SECISBP2L: variants seen among roughly 807,000 people sequenced by gnomAD.
SECISBP2L encodes the protein selenocysteine insertion sequence-binding protein 2-like.
In SECISBP2L, 43 loss-of-function variants were observed where a neutral mutation model predicts 114.7. The ratio of observed to expected loss-of-function variants is 0.38; its 90% CI spans 0.29 to 0.48. SECISBP2L has a LOEUF of 0.48. Among genes scored for constraint, SECISBP2L ranks in the 20% least tolerant of loss-of-function variants. The pLI, the probability that SECISBP2L is intolerant of heterozygous loss-of-function variation, is 0.98. For synonymous variants in SECISBP2L, 451 were observed against 439.7 expected (o/e 1.03, Z -0.32); for missense variants, 1,136 against 1,301.1 (o/e 0.87, Z 1.95).
At chr15:49,004,904 T>A (rs1902285285) in intron 14 of SECISBP2L, among the ~76,000 whole-genome samples, 1 of 152,196 alleles carries the variant, frequency 6.6e-6, no homozygotes, top group African/African-American at 2.4e-5. Flanking sequence ...GAATGTATAT[T>A]CTGTGATTTG....
intron 7 of SECISBP2L, 65 bp from the exon 8 acceptor site, chr15:49,019,617 A>G (rs2141073872): frequency 2.4e-6 from 3 of 1,271,376 alleles, no homozygotes; most frequent in Non-Finnish European, 3.0e-6. Flanking sequence ...ACTCAAATAT[A>G]TAACATACTG....
intron 9 of SECISBP2L, 104 bp from the exon 10 acceptor site, chr15:49,017,119 A>T (rs1265040722): frequency 1.6e-5 from 18 of 1,106,022 alleles, no homozygotes; most frequent in Non-Finnish European, 2.2e-5. Flanking sequence ...ACCGGACTAG[A>T]CTCTTCAAAG....
In SECISBP2L at chr15:49,006,521, T is replaced by C. The variant is rs144543787; in HGVS notation, c.2027+2695A>G. ...TTGATCTTCAATCACTGATATCCTT[T>C]CTTCCGCTTGATCGATTCAGCTGTT... On this transcript the variant is annotated intron_variant, in intron 14 of 17. Transcript: ENST00000559471. 1.0e-3 allele frequency among the ~76,000 whole-genome samples: 153 copies of C among 152,266 alleles called. 2 individuals are homozygous for C. The highest frequency in any genetic ancestry group is 3.6e-3 in the African/African-American group (151 of 41,570).
intron 11 of SECISBP2L, 127 bp downstream of exon 11, chr15:49,016,433 C>T (rs965587007): frequency 1.3e-6 from 1 of 760,724 alleles, no homozygotes. Flanking sequence ...AACACACATA[C>T]ATATATATAC....
At chr15:49,038,383 T>G (rs2141086759) in intron 1 of SECISBP2L, among the ~76,000 whole-genome samples, 1 of 152,144 alleles carries the variant, frequency 6.6e-6, no homozygotes, top group East Asian at 1.9e-4. Context: ...CCATTTTAGT[T>G]TACTTTGTAT....
At chr15:49,036,398 C>T (rs965277505) in intron 2 of SECISBP2L, among the ~76,000 whole-genome samples, 2 of 152,178 alleles carry the variant, frequency 1.3e-5, no homozygotes, top group African/African-American at 4.8e-5. Context: ...CCTCATTACT[C>T]CCATGACAAA....
chr15:49,001,459 C>CTTTTTTTTTTTTTTT (rs35210250), intron 14 of SECISBP2L, among the ~76,000 whole-genome samples: 1 of 144,512 alleles, frequency 6.9e-6, no homozygotes. Flanking sequence ...ACATCGTATT[C>CTTTTTTTTTTTTTTT]TTTTTTTTTT....
At chr15:49,026,562 A>C (rs1902747708) in intron 7 of SECISBP2L, among the ~76,000 whole-genome samples, 1 of 152,180 alleles carries the variant, frequency 6.6e-6, no homozygotes, top group African/African-American at 2.4e-5. Context: ...CCCAAATCCA[A>C]AATGCTCTAA....
chr15:49,034,211 T>C (rs934430896), intron 3 of SECISBP2L, among the ~76,000 whole-genome samples: 1 of 152,178 alleles, frequency 6.6e-6, no homozygotes, highest in Non-Finnish European at 1.5e-5. Flanking sequence ...TAATGGAATC[T>C]AGGGAAAGCA....
chr15:49,017,472 C>CT, intron 9 of SECISBP2L, 76 bp downstream of exon 9: 1 of 951,172 alleles, frequency 1.1e-6, no homozygotes, highest in Non-Finnish European at 1.6e-6. Context: ...TTACACTTAT[C>CT]TTTAATATTT....
rs1050431494 is a variant in SECISBP2L at position 48,990,372 on chromosome 15, T to C, written c.*1872A>G. ...AAACCAACGAACACTTCCAAATGTG[T>C]AGAGACAGTAAGATCTGCCATGTAT... On this transcript the variant is annotated 3_prime_UTR_variant, in exon 18 of 18. Transcript: ENST00000559471. 6.6e-6 allele frequency: 1 copy of C among 152,414 alleles called. No individual in the cohort carries two copies. The highest frequency in any genetic ancestry group is 6.5e-5 in the Admixed American group (1 of 15,276). 9.4% of individuals were successfully genotyped at this position (152,414 alleles called of 1,614,324 possible).
intron 13 of SECISBP2L, among the ~76,000 whole-genome samples, chr15:49,011,363 A>G (rs188408616): frequency 6.6e-6 from 1 of 152,330 alleles, no homozygotes; most frequent in East Asian, 1.9e-4. Flanking sequence ...AAATGACTCA[A>G]TGAAAAGTAG....
Position 48,992,076 on chromosome 15 carries a change from A to G in SECISBP2L, c.*168T>C, listed in dbSNP as rs1901988433. ...GTTCTTAGAAAGACACTTAGATACT[A>G]ATTAAAAGCTAAGCTACAGATCATA... On this transcript the variant is annotated 3_prime_UTR_variant, in exon 18 of 18. Transcript: ENST00000559471. 1 of 569,902 alleles carries G rather than the reference A, an allele frequency of 1.8e-6. No individual in the cohort carries two copies. Among genetic ancestry groups the G allele is most frequent in the Non-Finnish European group, 3.0e-6 (1 of 338,614 alleles). 35.3% of individuals were successfully genotyped at this position (569,902 alleles called of 1,614,324 possible). A position where few individuals can be genotyped will look rare whatever the true frequency, so the allele number is the denominator to read the frequency against.
chr15:49,016,665 TTTTA>T lies in SECISBP2L; in HGVS notation c.1452_1455del (p.Asn484LysfsTer6). 1 of 1,595,116 alleles carries T rather than the reference TTTTA, an allele frequency of 6.3e-7. No homozygotes were observed. The highest frequency in any genetic ancestry group is 8.5e-7 in the Non-Finnish European group (1 of 1,173,328). On this transcript the variant is annotated frameshift_variant, in exon 11 of 18. Transcript: ENST00000559471. LOFTEE classifies it high-confidence loss of function. The stretch of plus-strand genomic sequence containing the variant: ...TCCCCTAAATCTAGCTGCACAGGTG[TTTTA>T]TTCTTTTTTCCAGCTGCTTTTGATA...
chr15:49,018,642 G>C (rs1007318257), intron 8 of SECISBP2L, among the ~76,000 whole-genome samples: 1 of 152,174 alleles, frequency 6.6e-6, no homozygotes, highest in African/African-American at 2.4e-5. Context: ...TCATTCAATA[G>C]AATTTATGAT....
chr15:49,021,847 T>C (rs892177851), intron 7 of SECISBP2L, among the ~76,000 whole-genome samples: 14 of 152,138 alleles, frequency 9.2e-5, no homozygotes, highest in African/African-American at 3.4e-4. Flanking sequence ...AATGAATCAA[T>C]AACCTCAGGA....
At chr15:49,027,603 C>T in intron 6 of SECISBP2L, 123 bp from the exon 7 acceptor site, 1 of 505,646 alleles carries the variant, frequency 2.0e-6, no homozygotes, top group Admixed American at 3.5e-5. Flanking sequence ...TTTCTATAAA[C>T]CTTATTATTT....
In SECISBP2L at chr15:49,027,412, T is replaced by G; in HGVS notation, c.988A>C (p.Thr330Pro). 1 of 1,611,154 alleles carries G rather than the reference T, an allele frequency of 6.2e-7. No individual in the cohort carries two copies. The highest frequency in any genetic ancestry group is 1.1e-5 in the South Asian group (1 of 90,652). The change falls in exon 7 of 18, where the codon ACA becomes CCA. Residue 330 changes from threonine (T) to proline (P), a missense_variant. Physicochemically the swap from Thr to Pro is conservative, Grantham distance 38 (BLOSUM62 -1). Transcript: ENST00000559471. ...GTTTGCCTTCCACCTCTAGAAAATGTCTGATTTTTTTCCATCCAAGGTTTT... is the reference window on the plus strand; with the variant it reads ...GTTTGCCTTCCACCTCTAGAAAATGGCTGATTTTTTTCCATCCAAGGTTTT... ...QKKPWMEKNQ[T>P]FSRGGRQTEQ...
At chr15:49,032,297 T>G (rs981122071) in intron 4 of SECISBP2L, among the ~76,000 whole-genome samples, 1 of 152,170 alleles carries the variant, frequency 6.6e-6, no homozygotes, top group South Asian at 2.1e-4. Context: ...GAGATAAACA[T>G]CTACTCTACA....
Sources: gnomAD v4.1 joint callset for allele counts (sites outside exome capture counted in the v4.1 genomes callset) on GRCh38, gnomAD v4.1.1 for gene constraint, MANE v1.5 for transcripts, NCBI Gene and HGNC (gene_info 2026-07-23, HGNC 2026-07-21) for gene names.